Variants in KIF27 observed in about 807,000 individuals in gnomAD.
The protein encoded by KIF27 is kinesin family member 27.
Under a neutral mutation model 141.8 loss-of-function variants are expected in KIF27, and 84 were observed. The observed-to-expected ratio is 0.59, with a 90% CI of 0.50 to 0.71. KIF27 has a LOEUF of 0.71. KIF27 is among the 30% of genes least tolerant of loss of function. The pLI is 0.00. For synonymous variants in KIF27, 471 were observed against 569.5 expected (o/e 0.83, Z 2.46); for missense variants, 1,306 against 1,628.4 (o/e 0.80, Z 3.41).
At chr9:83,852,729 T>C (rs1004823831) in intron 15 of KIF27, among the ~76,000 whole-genome samples, 4 of 152,118 alleles carry the variant, frequency 2.6e-5, no homozygotes, top group African/African-American at 9.7e-5. Context: ...CCTGGGCTCA[T>C]GTGATCCTCC....
chr9:83,889,298 T>A (rs1466748400), intron 6 of KIF27, 45 bp from the exon 7 acceptor site: 11 of 1,543,406 alleles, frequency 7.1e-6, no homozygotes, highest in Non-Finnish European at 8.8e-6. Context: ...AGTGATATTT[T>A]AAAAGTCTAA....
At chr9:83,875,232 G>A (rs1183329094) in intron 11 of KIF27, among the ~76,000 whole-genome samples, 2 of 152,186 alleles carry the variant, frequency 1.3e-5, no homozygotes, top group Non-Finnish European at 2.9e-5. Flanking sequence ...GATTCATGGT[G>A]TTTTAAAGAT....
At position 83,861,138 on chromosome 9, in the gene KIF27, C is replaced by G. The variant is rs375957362; in HGVS notation, c.2935-1767G>C. Among the ~76,000 whole-genome samples the G allele has an allele frequency of 2.5e-3, 374 of 151,634 alleles. 2 individuals carry two copies. The highest frequency in any genetic ancestry group is 4.2e-3 in the Non-Finnish European group (285 of 67,912). ...TGTATCCAAACCTTCACAGTGATAT[C>G]TTTTGGGTACTCATTTTGCTGGCCC... On this transcript the variant is annotated intron_variant, in intron 13 of 17. Transcript: ENST00000297814.
At chr9:83,850,551 G>T (rs950883146) in intron 15 of KIF27, among the ~76,000 whole-genome samples, 3 of 151,770 alleles carry the variant, frequency 2.0e-5, no homozygotes, top group Non-Finnish European at 2.9e-5. Context: ...AGGCTGAGGT[G>T]GGGGGGATCG....
intron 16 of KIF27, among the ~76,000 whole-genome samples, chr9:83,845,739 G>A (rs1382149660): frequency 2.0e-5 from 3 of 152,208 alleles, no homozygotes; most frequent in Admixed American, 6.5e-5. Flanking sequence ...CCAGATATGC[G>A]GTTATATACC....
chr9:83,910,541 TGA>T (rs2132710958), intron 2 of KIF27, among the ~76,000 whole-genome samples: 1 of 152,194 alleles, frequency 6.6e-6, no homozygotes, highest in African/African-American at 2.4e-5. Context: ...GCAAGGAGCT[TGA>T]GAGTAGAAAG....
chr9:83,896,937 A>G (rs1195977715), intron 5 of KIF27, among the ~76,000 whole-genome samples: 1 of 152,140 alleles, frequency 6.6e-6, no homozygotes, highest in African/African-American at 2.4e-5. Flanking sequence ...ATGAGGAGTG[A>G]CTGCTAGTGG....
intron 15 of KIF27, among the ~76,000 whole-genome samples, chr9:83,853,156 TCTA>T (rs1948802654): frequency 6.6e-6 from 1 of 152,104 alleles, no homozygotes; most frequent in Non-Finnish European, 1.5e-5. Context: ...GTTAATAAAA[TCTA>T]CTATTATCTT....
intron 5 of KIF27, among the ~76,000 whole-genome samples, chr9:83,896,767 C>T (rs1953302925): frequency 6.6e-6 from 1 of 152,040 alleles, no homozygotes; most frequent in African/African-American, 2.4e-5. Flanking sequence ...ATTATTTGAT[C>T]ACGAAAAATA....
chr9:83,908,478 A>T lies in KIF27; in HGVS notation c.473T>A (p.Ile158Asn), dbSNP rs1376399526. ...ELETSMKDLH[I>N]REDEKGNTVI... ...TGTGTTTCCTTTTTCATCTTCTCGG[A>T]TGTGAAGATCCTTCATGGATGTCTC... The change falls in exon 3 of 18, where the codon ATC (isoleucine) becomes AAC (asparagine). Residue 158 changes from isoleucine (I) to asparagine (N), a missense_variant. Around this residue, in one of 4 missense-constraint regions of KIF27, gnomAD observed 533 missense variants for 565.6 expected, o/e 0.94. Transcript: ENST00000297814. 1 of 1,610,324 alleles carries T rather than the reference A, an allele frequency of 6.2e-7. No individual in the cohort carries two copies. Among genetic ancestry groups the T allele is most frequent in the Admixed American group, 1.7e-5 (1 of 59,788 alleles).
chr9:83,915,517 T>C lies in KIF27; in HGVS notation c.75A>G (p.Gln25=), dbSNP rs1301449895. The part of the protein sequence containing the change: ...LLCKEALHNH[Q]VCVRVIPNSQ... Reference sequence around the variant, plus strand: ...TGTTTGGAATAACTCTCACACAAACTTGATGATTATGAAGAGCTTCTTTGC... The same window carrying C: ...TGTTTGGAATAACTCTCACACAAACCTGATGATTATGAAGAGCTTCTTTGC... The change falls in exon 2 of 18, where the codon CAA becomes CAG. Residue 25 remains glutamine, a synonymous_variant. Transcript: ENST00000297814. 1.2e-6 allele frequency: 2 copies of C among 1,613,838 alleles called. No homozygotes were observed. The highest frequency in any genetic ancestry group is 1.7e-5 in the Admixed American group (1 of 60,004).
rs1487116477 is a variant in KIF27, at chr9:83,915,351, A to G, written c.241T>C (p.Phe81Leu). Residue 81 changes from phenylalanine to leucine, a missense_variant, in exon 2 of 18, where the codon TTT becomes CTT. Transcript: ENST00000297814. ...SLIEGYNATV[F>L]AYGQTGSGKT... ...CCAGATCCAGTTTGTCCATAGGCAA[A>G]AACAGTTGCATTATAGCCCTCAATG... is the stretch of plus-strand genomic sequence containing the variant. 1 of 1,613,810 alleles carries G rather than the reference A, an allele frequency of 6.2e-7. No homozygotes were observed. The highest frequency in any genetic ancestry group is 1.7e-5 in the Admixed American group (1 of 60,010).
chr9:83,847,457 T>C (rs528236453), intron 16 of KIF27: 1 of 152,178 alleles, frequency 6.6e-6, no homozygotes, highest in Non-Finnish European at 1.5e-5. Context: ...TGAAGGATAG[T>C]TGTATTATGT....
chr9:83,877,459 A>G (rs1951292656), intron 11 of KIF27, among the ~76,000 whole-genome samples: 1 of 152,184 alleles, frequency 6.6e-6, no homozygotes, highest in African/African-American at 2.4e-5. Context: ...GGAGTTCCAC[A>G]TGCAAAAGAA....
chr9:83,840,869 A>G (rs565925567), intron 17 of KIF27, among the ~76,000 whole-genome samples: 1 of 152,278 alleles, frequency 6.6e-6, no homozygotes, highest in African/African-American at 2.4e-5. Context: ...TTATCTTGGA[A>G]TACTGAACCA....
chr9:83,835,585 A>C lies in KIF27; in HGVS notation c.*1416T>G, dbSNP rs1193562877. On this transcript the variant is annotated 3_prime_UTR_variant, in exon 18 of 18. Coordinates refer to ENST00000297814, the MANE Select transcript of KIF27 (RefSeq NM_017576.4). ...TTTAGCAAGGAGACCAAGAAACTCT[A>C]CTCCCTAGGGGCTAGCAATGAGAGA... is the stretch of plus-strand genomic sequence containing the variant. 3 of 151,956 alleles carry C rather than the reference A, an allele frequency of 2.0e-5. No homozygotes were observed. Among genetic ancestry groups the C allele is most frequent in the African/African-American group, 7.3e-5 (3 of 41,368 alleles). The allele number at this position is 151,956 out of a possible 1,614,324, so 9.4% of individuals were successfully genotyped here. A position where few individuals can be genotyped will look rare whatever the true frequency, so the allele number is the denominator to read the frequency against.
intron 15 of KIF27, among the ~76,000 whole-genome samples, chr9:83,852,871 C>A (rs1948771254): frequency 1.3e-5 from 2 of 152,124 alleles, no homozygotes. Context: ...TCCCAAAGTG[C>A]TGGGATTACA....
At chr9:83,877,943 C>T (rs1232371064) in intron 11 of KIF27, among the ~76,000 whole-genome samples, 1 of 151,724 alleles carries the variant, frequency 6.6e-6, no homozygotes, top group Non-Finnish European at 1.5e-5. Flanking sequence ...CAAACCAAAA[C>T]CACAATGAGA....
intron 11 of KIF27, among the ~76,000 whole-genome samples, chr9:83,878,098 A>G (rs1258472858): frequency 7.2e-6 from 1 of 139,684 alleles, no homozygotes; most frequent in African/African-American, 2.6e-5. Context: ...CAGGAGGCGG[A>G]GCTTGCAGTG....
Sources: allele counts gnomAD v4.1 joint callset (sites outside exome capture counted in the v4.1 genomes callset), GRCh38; gene constraint gnomAD v4.1.1; regional missense constraint gnomAD v4.1.1; transcripts MANE v1.5; gene names NCBI Gene and HGNC (gene_info 2026-07-23, HGNC 2026-07-21).